OTUD7A: variants seen among roughly 807,000 people sequenced by gnomAD.
OTUD7A encodes OTU domain-containing protein 7A.
OTUD7A carries 12 observed loss-of-function variants against 65.7 expected under a neutral mutation model. The observed-to-expected ratio is 0.18, with a 90% confidence interval of 0.12 to 0.30. OTUD7A has a LOEUF of 0.30. Among genes scored for constraint, OTUD7A ranks in the 10% least tolerant of loss-of-function variants. The pLI is 1.00. For missense variants in OTUD7A, 1,148 were observed against 1,304.8 expected, an observed-to-expected ratio of 0.88 and a Z score of 1.85; for synonymous variants, 641 against 586.3, an observed-to-expected ratio of 1.09 and a Z score of -1.35.
chr15:31,662,391 T>C (rs527512436), intron 1 of OTUD7A, among the ~76,000 whole-genome samples: 1 of 152,338 alleles, frequency 6.6e-6, no homozygotes, highest in African/African-American at 2.4e-5. Flanking sequence ...TTGTTACTTC[T>C]TTTTTTGAAA....
intron 1 of OTUD7A, among the ~76,000 whole-genome samples, chr15:31,794,599 G>A (rs1214037194): frequency 1.3e-5 from 2 of 150,966 alleles, no homozygotes; most frequent in Non-Finnish European, 2.9e-5. Context: ...AGTGCTGGCT[G>A]GCCTTGTTCT....
In OTUD7A at chr15:31,807,133, T is replaced by G. The variant is rs551005696; in HGVS notation, c.-100+63374A>C. ...GTGCCTGGCAATGTACTAGTCTTTT[T>G]ATAAACATGGCCTCATGGAATCCCC... On this transcript the variant is annotated intron_variant, in intron 1 of 12. Transcript: ENST00000307050. Among the ~76,000 whole-genome samples the G allele has an allele frequency of 2.7e-3, 415 of 152,378 alleles. 2 individuals carry two copies. Among genetic ancestry groups the G allele is most frequent in the Admixed American group, 5.2e-3 (80 of 15,312 alleles).
intron 1 of OTUD7A, among the ~76,000 whole-genome samples, chr15:31,772,019 G>A (rs543952788): frequency 1.3e-5 from 2 of 152,146 alleles, no homozygotes; most frequent in East Asian, 1.9e-4. Flanking sequence ...TTGGGAGGCC[G>A]AGGCGGGCGG....
chr15:31,512,629 GGTTAGTAACTTAGAATT>G (rs2041772900), intron 8 of OTUD7A, among the ~76,000 whole-genome samples: 1 of 152,066 alleles, frequency 6.6e-6, no homozygotes, highest in South Asian at 2.1e-4. Flanking sequence ...TGTTTTGATT[GGTTAGTAACTTAGAATT>G]TTTTAAAAGA....
intron 1 of OTUD7A, among the ~76,000 whole-genome samples, chr15:31,839,617 T>C (rs545856563): frequency 6.6e-6 from 1 of 152,336 alleles, no homozygotes; most frequent in Admixed American, 6.5e-5. Flanking sequence ...TGCTCTCCTC[T>C]TCTATAAACT....
At chr15:31,687,607 C>T (rs927705944) in intron 1 of OTUD7A, among the ~76,000 whole-genome samples, 2 of 152,174 alleles carry the variant, frequency 1.3e-5, no homozygotes, top group African/African-American at 4.8e-5. Flanking sequence ...CTCGCAGTCA[C>T]CTGGCTGTTG....
rs186256284 is a variant in OTUD7A at position 31,781,710 on chromosome 15, G to A, written c.-100+88797C>T. ...AGCCTCAGGGATGCCATCTCTGCTC[G>A]AGCCACACAAAGCCACTAATCTCAC... On this transcript the variant is annotated intron_variant, in intron 1 of 12. Transcript: ENST00000307050. Among the ~76,000 whole-genome samples, 8 of 152,076 alleles carry A rather than the reference G, an allele frequency of 5.3e-5. 2 individuals carry two copies. The highest frequency in any genetic ancestry group is 1.0e-4 in the Non-Finnish European group (7 of 68,022).
chr15:31,698,641 TC>T (rs200266819), intron 1 of OTUD7A, among the ~76,000 whole-genome samples: 1,926 of 150,884 alleles, frequency 0.013, 27 homozygotes, highest in African/African-American at 0.045. Flanking sequence ...TCATCTTCTC[TC>T]TTTCTTCTTA....
intron 1 of OTUD7A, among the ~76,000 whole-genome samples, chr15:31,732,248 G>C (rs141280548): frequency 6.6e-6 from 1 of 152,316 alleles, no homozygotes; most frequent in Non-Finnish European, 1.5e-5. Context: ...GCATTCTACT[G>C]TCATAAGAGA....
At chr15:31,838,254 C>T (rs1047374109) in intron 1 of OTUD7A, among the ~76,000 whole-genome samples, 3 of 152,238 alleles carry the variant, frequency 2.0e-5, no homozygotes, top group East Asian at 1.9e-4. Flanking sequence ...TTTAAAAGTA[C>T]GTTAAAAGTA....
At chr15:31,796,248 TTCTA>T (rs1895958365) in intron 1 of OTUD7A, among the ~76,000 whole-genome samples, 1 of 151,092 alleles carries the variant, frequency 6.6e-6, no homozygotes, top group Non-Finnish European at 1.5e-5. Context: ...TCTATCTGTC[TTCTA>T]TCTTTCTAGA....
chr15:31,551,296 C>T (rs892655343), intron 5 of OTUD7A, among the ~76,000 whole-genome samples: 4 of 152,136 alleles, frequency 2.6e-5, no homozygotes, highest in Admixed American at 1.3e-4. Flanking sequence ...ACAAGGAGTG[C>T]GATTGGGAAC....
intron 1 of OTUD7A, among the ~76,000 whole-genome samples, chr15:31,720,783 T>C (rs1893716075): frequency 6.6e-6 from 1 of 151,068 alleles, no homozygotes; most frequent in Non-Finnish European, 1.5e-5. Context: ...TGTCCTGGCC[T>C]TCACATTCAC....
intron 3 of OTUD7A, among the ~76,000 whole-genome samples, chr15:31,573,558 T>C (rs1889116013): frequency 6.6e-6 from 1 of 152,200 alleles, no homozygotes; most frequent in African/African-American, 2.4e-5. Context: ...CAGAATAAAT[T>C]TGCAATGCCT....
chr15:31,620,184 GA>G (rs1890732977), intron 3 of OTUD7A, among the ~76,000 whole-genome samples: 1 of 152,252 alleles, frequency 6.6e-6, no homozygotes, highest in African/African-American at 2.4e-5. Context: ...TTTTATTGAG[GA>G]TTTTTGCATC....
At chr15:31,753,706 A>ATATAT (rs1894717047) in intron 1 of OTUD7A, among the ~76,000 whole-genome samples, 1 of 70,760 alleles carries the variant, frequency 1.4e-5, no homozygotes, top group African/African-American at 7.3e-5. Context: ...TATATATTAT[A>ATATAT]TATATATATA....
At chr15:31,757,552 T>G (rs555539838) in intron 1 of OTUD7A, among the ~76,000 whole-genome samples, 2 of 151,902 alleles carry the variant, frequency 1.3e-5, no homozygotes, top group African/African-American at 4.8e-5. Context: ...AACAAGGAGA[T>G]TTGGGAGCCA....
chr15:31,720,002 T>C (rs1446058804), intron 1 of OTUD7A, among the ~76,000 whole-genome samples: 2 of 152,268 alleles, frequency 1.3e-5, no homozygotes, highest in African/African-American at 4.8e-5. Flanking sequence ...ATATATACTA[T>C]ATTTTTTCCC....
intron 3 of OTUD7A, among the ~76,000 whole-genome samples, chr15:31,592,904 A>AAAAATATAT (rs1416029921): frequency 2.2e-4 from 13 of 59,382 alleles, no homozygotes; most frequent in East Asian, 6.1e-4. Context: ...AAAAAAAAAA[A>AAAAATATAT]ATATATATAT....
Sources: gnomAD v4.1 joint callset for allele counts (sites outside exome capture counted in the v4.1 genomes callset) on GRCh38, gnomAD v4.1.1 for gene constraint, MANE v1.5 for transcripts, NCBI Gene and HGNC (gene_info 2026-07-23, HGNC 2026-07-21) for gene names.